CLIP2: variants seen among roughly 807,000 people sequenced by gnomAD.
CLIP2 encodes CAP-Gly domain-containing linker protein 2.
Under a neutral mutation model 111.7 loss-of-function variants are expected in CLIP2, and 41 were observed. The ratio of observed to expected loss-of-function variants is 0.37; its 90% CI spans 0.29 to 0.48. The LOEUF (loss-of-function observed/expected upper bound fraction) is 0.48, where lower values mean the gene tolerates loss of function less well. Ranked by LOEUF, CLIP2 falls within the 20% of genes least tolerant of loss-of-function variation. The pLI, the probability that CLIP2 is intolerant of heterozygous loss-of-function variation, is 0.99. For missense variants in CLIP2, 1,160 were observed against 1,422.1 expected, an observed-to-expected ratio of 0.82 and a Z score of 2.96; for synonymous variants, 660 against 644.2, an observed-to-expected ratio of 1.02 and a Z score of -0.37.
intron 7 of CLIP2, among the ~76,000 whole-genome samples, chr7:74,363,991 C>A (rs1165708346): frequency 6.6e-6 from 1 of 151,980 alleles, no homozygotes; most frequent in Non-Finnish European, 1.5e-5. Context: ...GGCCACCCTG[C>A]CCTTTATTTT....
In CLIP2 at chr7:74,349,448, G is replaced by T. The variant is rs1381143213; in HGVS notation, c.679-4432G>T. Among the ~76,000 whole-genome samples, 3 of 13,602 alleles carry T rather than the reference G, an allele frequency of 2.2e-4. 1 individual carries two copies. The highest frequency in any genetic ancestry group is 8.9e-4 in the Non-Finnish European group (3 of 3,382). 8.9% of individuals were successfully genotyped at this position (13,602 alleles called of 152,430 possible). Reference sequence around the variant, plus strand: ...CTGTCTCAAAAAAAAAAAAAAAAAAGTATGTATGTGTGTGTGTGTGTGTAT... The same window carrying T: ...CTGTCTCAAAAAAAAAAAAAAAAAATTATGTATGTGTGTGTGTGTGTGTAT... On this transcript the variant is annotated intron_variant, in intron 3 of 16. Coordinates refer to ENST00000223398, the MANE Select transcript of CLIP2 (RefSeq NM_003388.5).
intron 14 of CLIP2, 60 bp downstream of exon 14, chr7:74,397,293 C>A (rs542314613): frequency 1.3e-6 from 2 of 1,548,392 alleles, no homozygotes; most frequent in Non-Finnish European, 1.8e-6. Flanking sequence ...GCTGGGCTAG[C>A]CTTGCTGTCA....
At chr7:74,300,221 A>T (rs1402480496) in intron 1 of CLIP2, among the ~76,000 whole-genome samples, 2 of 151,574 alleles carry the variant, frequency 1.3e-5, no homozygotes, top group East Asian at 1.9e-4. Context: ...TCCTGACCTC[A>T]AATGATTCAC....
At chr7:74,298,013 C>A (rs1417954945) in intron 1 of CLIP2, among the ~76,000 whole-genome samples, 1 of 151,800 alleles carries the variant, frequency 6.6e-6, no homozygotes, top group Non-Finnish European at 1.5e-5. Flanking sequence ...ACCGAGAACC[C>A]AGCAATGAAC....
intron 11 of CLIP2, among the ~76,000 whole-genome samples, chr7:74,383,270 T>A (rs1790996519): frequency 6.6e-6 from 1 of 152,128 alleles, no homozygotes; most frequent in African/African-American, 2.4e-5. Flanking sequence ...ATCCCAACAC[T>A]ATTTTTGAAA....
At position 74,405,666 on chromosome 7, in the gene CLIP2, G is replaced by A. The variant is rs1554318522; in HGVS notation, c.*1818G>A. The A allele has an allele frequency of 2.0e-5, 3 of 152,640 alleles. No individual in the cohort carries two copies. The highest frequency in any genetic ancestry group is 4.4e-5 in the Non-Finnish European group (3 of 68,056). The allele number at this position is 152,640 out of a possible 1,614,324, so 9.5% of individuals were successfully genotyped here. On this transcript the variant is annotated 3_prime_UTR_variant, in exon 17 of 17. Coordinates refer to ENST00000223398, the MANE Select transcript of CLIP2 (RefSeq NM_003388.5). ...GCCCCATCGGTAGGGGCACCGATTA[G>A]TCTACTAACAGCCAGAGGTCCATCT...
At chr7:74,304,652 A>G (rs1554727472) in intron 1 of CLIP2, among the ~76,000 whole-genome samples, 1 of 150,054 alleles carries the variant, frequency 6.7e-6, no homozygotes, top group African/African-American at 2.5e-5. Context: ...CTAGGAAACA[A>G]ACCTTAGAAA....
At chr7:74,358,490 T>G (rs1554309018) in intron 6 of CLIP2, among the ~76,000 whole-genome samples, 1 of 152,138 alleles carries the variant, frequency 6.6e-6, no homozygotes, top group Admixed American at 6.6e-5. Context: ...CCACTGCACT[T>G]GGCCTAATCT....
chr7:74,381,562 CTA>C (rs1554313921), intron 11 of CLIP2: 3 of 455,230 alleles, frequency 6.6e-6, no homozygotes, highest in South Asian at 4.7e-5. Context: ...TCACTGTTCT[CTA>C]TTCTTCCCTC....
chr7:74,298,879 C>T (rs1554726393), intron 1 of CLIP2, among the ~76,000 whole-genome samples: 1 of 152,044 alleles, frequency 6.6e-6, no homozygotes, highest in Admixed American at 6.6e-5. Flanking sequence ...AAAAGTTGCG[C>T]CCAGTGAGAG....
intron 3 of CLIP2, among the ~76,000 whole-genome samples, chr7:74,340,181 A>G (rs773422561): frequency 9.9e-5 from 15 of 152,124 alleles, no homozygotes; most frequent in Non-Finnish European, 2.1e-4. Context: ...AAATCATCTG[A>G]GGTCAGGAGT....
In CLIP2 at chr7:74,404,043, C is replaced by G. The variant is rs1207389826; in HGVS notation, c.*195C>G. The G allele has an allele frequency of 1.9e-5, 12 of 642,884 alleles. No homozygotes were observed. Among genetic ancestry groups the G allele is most frequent in the Non-Finnish European group, 3.1e-5 (11 of 355,696 alleles). 39.8% of individuals were successfully genotyped at this position (642,884 alleles called of 1,614,324 possible). On this transcript the variant is annotated 3_prime_UTR_variant, in exon 17 of 17. Transcript: ENST00000223398. ...GACCAGGACGCTTCCTCAAGCCCAG[C>G]CTTCTACAGAGAGTGTGAACGGTAC...
chr7:74,326,843 G>A (rs2116525853), intron 2 of CLIP2, among the ~76,000 whole-genome samples: 1 of 151,720 alleles, frequency 6.6e-6, no homozygotes, highest in East Asian at 2.0e-4. Flanking sequence ...TCACCATATT[G>A]GCCAGGCTGG....
In CLIP2 at chr7:74,338,912, G is replaced by C. The variant is rs782229360; in HGVS notation, c.586G>C (p.Val196Leu). The change falls in exon 3 of 17, where the codon GTG becomes CTG. Residue 196 changes from valine to leucine, a missense_variant. Coordinates refer to ENST00000223398, the MANE Select transcript of CLIP2 (RefSeq NM_003388.5). The surrounding 1 kb of genome is among the most constrained non-coding windows in gnomAD (Gnocchi z 4.3). ...GCGGGAGAGCGTCCTCAACAGCTCCGTGAAGACTGGCAACGAGTCGGGATC... is the reference window on the plus strand; with the variant it reads ...GCGGGAGAGCGTCCTCAACAGCTCCCTGAAGACTGGCAACGAGTCGGGATC... The part of the protein sequence containing the change: ...PLRESVLNSS[V>L]KTGNESGSNL... 31 of 1,603,364 alleles carry C rather than the reference G, an allele frequency of 1.9e-5. No individual in the cohort carries two copies. Among genetic ancestry groups the C allele is most frequent in the Non-Finnish European group, 2.6e-5 (31 of 1,179,872 alleles).
chr7:74,368,501 T>A (rs1432506969), intron 8 of CLIP2, among the ~76,000 whole-genome samples: 1 of 151,132 alleles, frequency 6.6e-6, no homozygotes, highest in Non-Finnish European at 1.5e-5. Context: ...TAGGCGACAG[T>A]GCGAGACTCC....
intron 3 of CLIP2, among the ~76,000 whole-genome samples, chr7:74,347,607 C>T (rs1457277304): frequency 2.0e-5 from 3 of 152,206 alleles, no homozygotes; most frequent in Admixed American, 1.3e-4. Flanking sequence ...CCCCACGCGG[C>T]TCCCTGAGCC....
At position 74,335,643 on chromosome 7, in the gene CLIP2, TTTCCTTCC is replaced by T. The variant is rs199977061; in HGVS notation, c.122-2778_122-2771del. On this transcript the variant is annotated intron_variant, in intron 2 of 16. Coordinates refer to ENST00000223398, the MANE Select transcript of CLIP2 (RefSeq NM_003388.5). The stretch of plus-strand genomic sequence containing the variant: ...GTGTGAGCCACTGTGCCTGGCTTAT[TTTCCTTCC>T]TTCCTTCCTTCCTTCCTTCCTTCCT... Among the ~76,000 whole-genome samples, 1,017 of 137,952 alleles carry T rather than the reference TTTCCTTCC, an allele frequency of 7.4e-3. 6 individuals are homozygous for T. The highest frequency in any genetic ancestry group is 0.015 in the African/African-American group (590 of 38,274). 90.5% of individuals were successfully genotyped at this position (137,952 alleles called of 152,430 possible).
rs517570 is a variant in CLIP2 at position 74,372,402 on chromosome 7, T to C, written c.1381-530T>C. Among the ~76,000 whole-genome samples the C allele has an allele frequency of 3.2e-4, 11 of 34,432 alleles. 1 individual carries two copies. Among genetic ancestry groups the C allele is most frequent in the Middle Eastern group, 0.031 (2 of 64 alleles). 22.6% of individuals were successfully genotyped at this position (34,432 alleles called of 152,430 possible). A position where few individuals can be genotyped will look rare whatever the true frequency, so the allele number is the denominator to read the frequency against. Reference sequence around the variant, plus strand: ...GTTCTTGCACTTTTAGCACAGGCCTTGGGGGGGGGGGGGAGTCGAGCGGGA... The same window carrying C: ...GTTCTTGCACTTTTAGCACAGGCCTCGGGGGGGGGGGGGAGTCGAGCGGGA... On this transcript the variant is annotated intron_variant, in intron 8 of 16. Transcript: ENST00000223398.
chr7:74,390,749 G>T lies in CLIP2; in HGVS notation c.2720+1490G>T, dbSNP rs1165425702. 1.5e-3 allele frequency among the ~76,000 whole-genome samples: 70 copies of T among 45,518 alleles called. 1 individual carries two copies. Among genetic ancestry groups the T allele is most frequent in the African/African-American group, 2.4e-3 (52 of 21,234 alleles). 29.9% of individuals were successfully genotyped at this position (45,518 alleles called of 152,430 possible). On this transcript the variant is annotated intron_variant, in intron 13 of 16. Coordinates refer to ENST00000223398, the MANE Select transcript of CLIP2 (RefSeq NM_003388.5). ...AAAAGTAACTATTTTCTGGCGGGGT[G>T]GGGGGGGTGGGTGGGGGACTGGGCG...
Sources: allele counts gnomAD v4.1 joint callset (sites outside exome capture counted in the v4.1 genomes callset), GRCh38; gene constraint gnomAD v4.1.1; non-coding constraint Gnocchi (gnomAD v3.1); transcripts MANE v1.5; gene names NCBI Gene and HGNC (gene_info 2026-07-23, HGNC 2026-07-21).